The following FOXK2 variants were observed in gnomAD, a reference collection of about 807,000 sequenced individuals.
The protein encoded by FOXK2 is forkhead box K2.
FOXK2 carries 24 observed loss-of-function variants against 53.3 expected under a neutral mutation model. That is an observed-to-expected ratio of 0.45 (90% confidence interval 0.33 to 0.63). FOXK2 has a LOEUF of 0.63. Ranked by LOEUF, FOXK2 falls within the 30% of genes least tolerant of loss-of-function variation. The pLI is 0.03. For missense variants in FOXK2, 952 were observed against 910.5 expected, an observed-to-expected ratio of 1.05 and a Z score of -0.59; for synonymous variants, 505 against 407.1, an observed-to-expected ratio of 1.24 and a Z score of -2.89.
chr17:82,583,579 A>C (rs1429812686), intron 5 of FOXK2, among the ~76,000 whole-genome samples: 1 of 152,248 alleles, frequency 6.6e-6, no homozygotes, highest in Admixed American at 6.5e-5. Flanking sequence ...TTAGCTGCTT[A>C]AGTTCGAGTT....
chr17:82,565,479 A>G (rs2044842955), intron 2 of FOXK2, among the ~76,000 whole-genome samples: 1 of 152,214 alleles, frequency 6.6e-6, no homozygotes, highest in Non-Finnish European at 1.5e-5. Context: ...ACAAAGAAAC[A>G]AAAGACCCAG....
intron 1 of FOXK2, among the ~76,000 whole-genome samples, chr17:82,541,652 C>CT (rs1210383942): frequency 6.6e-6 from 1 of 151,852 alleles, no homozygotes; most frequent in East Asian, 1.9e-4. Context: ...AAACTGATAA[C>CT]TTTTTTTTCA....
At chr17:82,583,781 G>C (rs903367038) in intron 5 of FOXK2, among the ~76,000 whole-genome samples, 3 of 152,338 alleles carry the variant, frequency 2.0e-5, no homozygotes, top group African/African-American at 7.2e-5. Flanking sequence ...GCCGTGCCGC[G>C]TATGTGGGTG....
At chr17:82,598,525 C>T (rs569983246) in intron 8 of FOXK2, among the ~76,000 whole-genome samples, 4 of 152,316 alleles carry the variant, frequency 2.6e-5, no homozygotes, top group South Asian at 2.1e-4. Flanking sequence ...TGAACAGAAA[C>T]GGATTGGCTT....
In FOXK2 at chr17:82,520,450, C is replaced by T. The variant is rs1346311931; in HGVS notation, c.419+143C>T. 6 of 716,370 alleles carry T rather than the reference C, an allele frequency of 8.4e-6. No individual in the cohort carries two copies. In the East Asian group the frequency reaches 1.5e-4, roughly 18 times the overall value. 44.4% of individuals were successfully genotyped at this position (716,370 alleles called of 1,614,324 possible). A position where few individuals can be genotyped will look rare whatever the true frequency, so the allele number is the denominator to read the frequency against. ...GCCGGGACCACCAGCGGGACCCAGG[C>T]CCCGGCTGGATCCCAACCCTCGACA... On this transcript the variant is annotated intron_variant, in intron 1 of 8. Transcript: ENST00000335255.
At chr17:82,576,827 C>T (rs955401279) in intron 4 of FOXK2, 10 of 561,332 alleles carry the variant, frequency 1.8e-5, no homozygotes, top group African/African-American at 5.7e-5. Context: ...TCCAGAAATC[C>T]GCTCCAGCAG....
chr17:82,583,977 C>G (rs1598228067), intron 5 of FOXK2, 36 bp from the exon 6 acceptor site: 1 of 1,557,358 alleles, frequency 6.4e-7, no homozygotes, highest in Admixed American at 1.9e-5. Context: ...AGTGCGTCAG[C>G]TGTAACCATG....
At chr17:82,558,759 C>T (rs1346811680) in intron 1 of FOXK2, among the ~76,000 whole-genome samples, 2 of 151,686 alleles carry the variant, frequency 1.3e-5, no homozygotes, top group Non-Finnish European at 2.9e-5. Context: ...CACATCTTTA[C>T]ATCTTTTTTT....
Position 82,571,579 on chromosome 17 carries a change from C to T in FOXK2, c.763-145C>T, listed in dbSNP as rs957365070. 2.2e-5 allele frequency: 18 copies of T among 825,216 alleles called. No homozygotes were observed. The Middle Eastern group carries it at 1.2e-3, about 53-fold the overall frequency. The allele number at this position is 825,216 out of a possible 1,614,324, so 51.1% of individuals were successfully genotyped here. ...TCGCGTCACTGTACTCCAGCCTGGGCGACACAGCGAGACTCTGTCTCAAAA... is the reference window on the plus strand; with the variant it reads ...TCGCGTCACTGTACTCCAGCCTGGGTGACACAGCGAGACTCTGTCTCAAAA... On this transcript the variant is annotated intron_variant, in intron 3 of 8. Transcript: ENST00000335255.
chr17:82,549,261 C>A (rs1002717831), intron 1 of FOXK2, among the ~76,000 whole-genome samples: 1 of 152,190 alleles, frequency 6.6e-6, no homozygotes, highest in Admixed American at 6.5e-5. Flanking sequence ...GTTGCCACAC[C>A]GAACTGCAGA....
intron 1 of FOXK2, among the ~76,000 whole-genome samples, chr17:82,556,042 G>A (rs1047110011): frequency 2.0e-5 from 3 of 151,974 alleles, no homozygotes; most frequent in East Asian, 1.9e-4. Context: ...TTTTTAAACT[G>A]TCTATTGAAG....
chr17:82,588,011 G>A (rs541169628), intron 8 of FOXK2, among the ~76,000 whole-genome samples: 198 of 152,278 alleles, frequency 1.3e-3, no homozygotes, highest in Middle Eastern at 0.01. Flanking sequence ...TTGAAAGAGG[G>A]TACAGGTCAG....
chr17:82,539,252 C>T (rs1346570416), intron 1 of FOXK2, among the ~76,000 whole-genome samples: 2 of 141,000 alleles, frequency 1.4e-5, no homozygotes, highest in African/African-American at 5.4e-5. Flanking sequence ...TGGCTCAGAC[C>T]CCTAATCTCA....
chr17:82,527,797 C>T (rs944034174), intron 1 of FOXK2, among the ~76,000 whole-genome samples: 1 of 152,112 alleles, frequency 6.6e-6, no homozygotes, highest in Non-Finnish European at 1.5e-5. Flanking sequence ...AGTGGTAAAA[C>T]TCTGTGTTCC....
At chr17:82,553,242 G>T (rs1186861317) in intron 1 of FOXK2, among the ~76,000 whole-genome samples, 2 of 152,126 alleles carry the variant, frequency 1.3e-5, no homozygotes, top group Non-Finnish European at 1.5e-5. Flanking sequence ...AGCCAGACTT[G>T]TTTTTTAAAC....
chr17:82,574,600 G>A (rs1340902546), intron 4 of FOXK2, among the ~76,000 whole-genome samples: 1 of 151,788 alleles, frequency 6.6e-6, no homozygotes, highest in African/African-American at 2.4e-5. Flanking sequence ...GATTACAGGC[G>A]TGAGCCACCG....
chr17:82,519,970 G>T lies in FOXK2; in HGVS notation c.82G>T (p.Gly28Cys), dbSNP rs777565604. Reference sequence around the variant, plus strand: ...GGCCGGGGGCGGCGGGGCCGGGGGCGGCGGGTCCCCGCCGGGCGGCTGGGC... The same window carrying T: ...GGCCGGGGGCGGCGGGGCCGGGGGCTGCGGGTCCCCGCCGGGCGGCTGGGC... ...GGAGGGGAGG[G>C]GSPPGGWAVA... The change falls in exon 1 of 9, where the codon GGC becomes TGC. Residue 28 changes from glycine (G) to cysteine (C), a missense_variant. By Grantham distance (159) the Gly-to-Cys change is radical. Transcript: ENST00000335255. 1.9e-5 allele frequency: 23 copies of T among 1,189,754 alleles called. No homozygotes were observed. The highest frequency in any genetic ancestry group is 2.1e-5 in the Non-Finnish European group (20 of 954,696). The allele number at this position is 1,189,754 out of a possible 1,614,324, so 73.7% of individuals were successfully genotyped here. A position where few individuals can be genotyped will look rare whatever the true frequency, so the allele number is the denominator to read the frequency against.
intron 8 of FOXK2, chr17:82,599,903 G>C (rs1163830469): frequency 6.6e-6 from 1 of 152,372 alleles, no homozygotes; most frequent in African/African-American, 2.4e-5. Flanking sequence ...AGCGTACCAT[G>C]TGTGCTGTGT....
In FOXK2 at chr17:82,574,548, G is replaced by A. The variant is rs139640104; in HGVS notation, c.909+2678G>A. ...TTGGTCAGGCTGGTGTTGAACTCCC[G>A]ACCTCGGGTGATCTGCCTGCCTCGG... On this transcript the variant is annotated intron_variant, in intron 4 of 8. Coordinates refer to ENST00000335255, the MANE Select transcript of FOXK2 (RefSeq NM_004514.4). Among the ~76,000 whole-genome samples, 204 of 152,210 alleles carry A rather than the reference G, an allele frequency of 1.3e-3. 2 individuals are homozygous for A. The highest frequency in any genetic ancestry group is 4.6e-3 in the African/African-American group (193 of 41,526).
Sources: allele counts gnomAD v4.1 joint callset (sites outside exome capture counted in the v4.1 genomes callset), GRCh38; gene constraint gnomAD v4.1.1; transcripts MANE v1.5; gene names NCBI Gene and HGNC (gene_info 2026-07-23, HGNC 2026-07-21).